Variants in FBLN7 observed in about 807,000 individuals in gnomAD.
FBLN7 encodes fibulin 7.
A neutral mutation model predicts 44.0 loss-of-function variants in FBLN7; 31 were observed. The ratio of observed to expected loss-of-function variants is 0.70; its 90% confidence interval spans 0.53 to 0.95. The LOEUF (loss-of-function observed/expected upper bound fraction) is 0.95, where lower values mean the gene tolerates loss of function less well. Among genes scored for constraint, FBLN7 ranks in the 40% least tolerant of loss-of-function variants. The probability of loss-of-function intolerance (pLI) is 0.00; values close to 1 mark genes in which losing one functional copy is unlikely to be tolerated. For missense variants in FBLN7, 573 were observed against 618.5 expected (o/e 0.93, Z 0.78); for synonymous variants, 262 against 253.4 (o/e 1.03, Z -0.32).
the FBLN7 span, among the ~76,000 whole-genome samples, chr2:112,233,761 T>C: frequency 6.6e-6 from 1 of 151,816 alleles, no homozygotes; most frequent in Non-Finnish European, 1.5e-5. Flanking sequence ...CCCAGCTACT[T>C]GGGAGGCTGA....
At chr2:112,143,408 C>T (rs1419876253) in intron 1 of FBLN7, among the ~76,000 whole-genome samples, 3 of 152,188 alleles carry the variant, frequency 2.0e-5, no homozygotes, top group African/African-American at 7.2e-5. Flanking sequence ...TTTAAGCAGG[C>T]TTCCCTCCCT....
At chr2:112,142,691 C>T (rs1334345797) in intron 1 of FBLN7, among the ~76,000 whole-genome samples, 2 of 152,150 alleles carry the variant, frequency 1.3e-5, no homozygotes, top group Non-Finnish European at 2.9e-5. Flanking sequence ...GTCTGGGGTT[C>T]CCGTTTGCTG....
At chr2:112,228,620 G>A in the FBLN7 span, among the ~76,000 whole-genome samples, 1 of 151,918 alleles carries the variant, frequency 6.6e-6, no homozygotes, top group Non-Finnish European at 1.5e-5. Flanking sequence ...AAACACAAGA[G>A]CTAAAACTAG....
the FBLN7 span, among the ~76,000 whole-genome samples, chr2:112,225,134 G>A: frequency 6.6e-6 from 1 of 152,102 alleles, no homozygotes. Flanking sequence ...CTTGTTTCCT[G>A]AGACTTTGCT....
chr2:112,145,630 C>T (rs1350201879), intron 1 of FBLN7, among the ~76,000 whole-genome samples: 2 of 152,080 alleles, frequency 1.3e-5, no homozygotes, highest in African/African-American at 4.8e-5. Context: ...CACTCTTGGC[C>T]TAACCTCAGG....
intron 1 of FBLN7, among the ~76,000 whole-genome samples, chr2:112,153,903 G>T (rs1208431448): frequency 1.3e-5 from 2 of 152,212 alleles, no homozygotes; most frequent in African/African-American, 4.8e-5. Flanking sequence ...GGTGGATGGA[G>T]CGTTCCATGG....
chr2:112,161,688 G>A (rs1681877988), intron 2 of FBLN7, among the ~76,000 whole-genome samples: 1 of 152,254 alleles, frequency 6.6e-6, no homozygotes, highest in Non-Finnish European at 1.5e-5. Flanking sequence ...CCATGTGAGA[G>A]GGCCCTGCCC....
chr2:112,180,733 A>T (rs534423215), intron 4 of FBLN7, among the ~76,000 whole-genome samples: 1 of 152,162 alleles, frequency 6.6e-6, no homozygotes, highest in Non-Finnish European at 1.5e-5. Flanking sequence ...ATCCTGGCTA[A>T]CATGGTGAAA....
the FBLN7 span, among the ~76,000 whole-genome samples, chr2:112,194,912 A>G: frequency 6.6e-6 from 1 of 152,236 alleles, no homozygotes; most frequent in Non-Finnish European, 1.5e-5. Flanking sequence ...GATACTTTGA[A>G]CAATGGTAGA....
intron 1 of FBLN7, among the ~76,000 whole-genome samples, chr2:112,147,303 C>T (rs1680940548): frequency 6.6e-6 from 1 of 152,112 alleles, no homozygotes; most frequent in Non-Finnish European, 1.5e-5. Flanking sequence ...GTCCATAGCA[C>T]CTCTCTCTTG....
chr2:112,227,305 G>A, the FBLN7 span, among the ~76,000 whole-genome samples: 2 of 152,222 alleles, frequency 1.3e-5, no homozygotes, highest in Non-Finnish European at 2.9e-5. Context: ...CAGGCGGATC[G>A]CCTGAGGTCA....
chr2:112,146,719 T>C (rs1484595867), intron 1 of FBLN7, among the ~76,000 whole-genome samples: 5 of 151,852 alleles, frequency 3.3e-5, no homozygotes, highest in Admixed American at 2.0e-4. Context: ...TTTCCAGGGG[T>C]TTTTTTACAT....
intron 2 of FBLN7, among the ~76,000 whole-genome samples, chr2:112,160,706 A>G (rs1189310667): frequency 1.6e-4 from 7 of 44,190 alleles, no homozygotes; most frequent in African/African-American, 5.3e-4. Flanking sequence ...ACACGCACGC[A>G]CACACACAAG....
chr2:112,164,987 A>G lies in FBLN7; in HGVS notation c.236-14A>G. On this transcript the variant is annotated splice_polypyrimidine_tract_variant and intron_variant, in intron 2 of 7. Coordinates refer to ENST00000331203, the MANE Select transcript of FBLN7 (RefSeq NM_153214.3). ...AGGATGAGGAGCTCGTAATCCTTCC[A>G]TCTCTCCTTACAGTTTCCTGCCCGG... is the stretch of plus-strand genomic sequence containing the variant. 2 of 1,612,252 alleles carry G rather than the reference A, an allele frequency of 1.2e-6. No individual in the cohort carries two copies. Among genetic ancestry groups the G allele is most frequent in the Non-Finnish European group, 1.7e-6 (2 of 1,178,812 alleles).
intron 3 of FBLN7, among the ~76,000 whole-genome samples, chr2:112,166,116 T>C (rs1378333732): frequency 6.6e-6 from 1 of 152,228 alleles, no homozygotes; most frequent in African/African-American, 2.4e-5. Flanking sequence ...AGTGGCATAA[T>C]CTCAGCTCAC....
chr2:112,187,812 G>C lies in FBLN7; in HGVS notation c.*306G>C, dbSNP rs1683347435. ...GGCTTTCCAAAATGCTGTGCAAATG[G>C]CCTTGTGAGTTTGAACTAGCTGGGG... On this transcript the variant is annotated 3_prime_UTR_variant, in exon 8 of 8. Coordinates refer to ENST00000331203, the MANE Select transcript of FBLN7 (RefSeq NM_153214.3). The surrounding 1 kb of genome is among the most constrained non-coding windows in gnomAD (Gnocchi z 5.1). 2 of 491,668 alleles carry C rather than the reference G, an allele frequency of 4.1e-6. No homozygotes were observed. The highest frequency in any genetic ancestry group is 3.9e-5 in the African/African-American group (2 of 51,386). The allele number at this position is 491,668 out of a possible 1,614,324, so 30.5% of individuals were successfully genotyped here. A position where few individuals can be genotyped will look rare whatever the true frequency, so the allele number is the denominator to read the frequency against.
the FBLN7 span, among the ~76,000 whole-genome samples, chr2:112,219,811 C>T: frequency 9.9e-5 from 15 of 151,990 alleles, no homozygotes; most frequent in Non-Finnish European, 1.3e-4. Flanking sequence ...AGTTCAGGTC[C>T]CAAACATCTT....
chr2:112,158,458 CAG>C (rs1451121688), intron 1 of FBLN7, among the ~76,000 whole-genome samples: 1 of 151,790 alleles, frequency 6.6e-6, no homozygotes, highest in African/African-American at 2.4e-5. Flanking sequence ...TATTTTGAGA[CAG>C]AGTCTTGCTC....
the FBLN7 span, among the ~76,000 whole-genome samples, chr2:112,223,184 C>G: frequency 2.0e-5 from 3 of 151,430 alleles, no homozygotes; most frequent in Non-Finnish European, 2.9e-5. Context: ...GTGCAGCACA[C>G]CAACATGGCA....
Sources: allele counts gnomAD v4.1 joint callset (sites outside exome capture counted in the v4.1 genomes callset), GRCh38; gene constraint gnomAD v4.1.1; non-coding constraint Gnocchi (gnomAD v3.1); transcripts MANE v1.5; gene names NCBI Gene and HGNC (gene_info 2026-07-23, HGNC 2026-07-21).